Variants in CHRNA7 observed in about 807,000 individuals in gnomAD.
CHRNA7 encodes neuronal acetylcholine receptor subunit alpha-7.
A neutral mutation model predicts 48.0 loss-of-function variants in CHRNA7; 17 were observed. That is an observed-to-expected ratio of 0.35 (90% CI 0.24 to 0.53). The LOEUF is 0.53. Among genes scored for constraint, CHRNA7 ranks in the 20% least tolerant of loss-of-function variants. CHRNA7 has a pLI of 0.92. For missense variants in CHRNA7, 155 were observed against 577.7 expected (o/e 0.27, Z 7.50); for synonymous variants, 75 against 242.3 (o/e 0.31, Z 6.41).
chr15:32,120,069 A>G (rs927363275), intron 4 of CHRNA7, among the ~76,000 whole-genome samples: 1 of 152,162 alleles, frequency 6.6e-6, no homozygotes, highest in African/African-American at 2.4e-5. Flanking sequence ...GATGATAGCC[A>G]GGAAATTGTG....
chr15:32,149,174 G>A lies in CHRNA7; in HGVS notation c.351-4733G>A, dbSNP rs1465308356. On this transcript the variant is annotated intron_variant, in intron 4 of 9. Coordinates refer to ENST00000306901, the MANE Select transcript of CHRNA7 (RefSeq NM_000746.6). This position sits in a 1 kb window ranked among gnomAD's most constrained non-coding sequence, Gnocchi z 4.6. ...TGTGGATGTACTGTGTCTTCCAGTA[G>A]TCAAAATAAAGAATATATTTGGCCA... Among the ~76,000 whole-genome samples, 1 of 152,238 alleles carries A rather than the reference G, an allele frequency of 6.6e-6. No homozygotes were observed. The highest frequency in any genetic ancestry group is 2.4e-5 in the African/African-American group (1 of 41,474).
chr15:32,075,473 A>T (rs2050123129), intron 2 of CHRNA7, among the ~76,000 whole-genome samples: 1 of 152,118 alleles, frequency 6.6e-6, no homozygotes, highest in African/African-American at 2.4e-5. Flanking sequence ...TAAATCGTCC[A>T]ATTTATGAGT....
At chr15:32,121,648 C>T (rs1402036212) in intron 4 of CHRNA7, among the ~76,000 whole-genome samples, 1 of 152,192 alleles carries the variant, frequency 6.6e-6, no homozygotes, top group Admixed American at 6.5e-5. Context: ...CTGTTCACGG[C>T]AGGGTGGCCA....
chr15:32,132,861 A>T (rs2141320401), intron 4 of CHRNA7, among the ~76,000 whole-genome samples: 1 of 152,312 alleles, frequency 6.6e-6, no homozygotes, highest in African/African-American at 2.4e-5. Context: ...CATTTTTCTG[A>T]AAGCATATGC....
chr15:32,039,229 T>C (rs1595373132), intron 2 of CHRNA7, among the ~76,000 whole-genome samples: 2 of 152,292 alleles, frequency 1.3e-5, no homozygotes, highest in Admixed American at 1.3e-4. Context: ...TTTGTTCATT[T>C]CCTCTATTGA....
chr15:32,040,594 GTA>G (rs1207991843), intron 2 of CHRNA7, among the ~76,000 whole-genome samples: 4 of 94,180 alleles, frequency 4.2e-5, no homozygotes, highest in South Asian at 4.2e-4. Flanking sequence ...GTGTGTGTGT[GTA>G]TATGTGTGTA....
intron 3 of CHRNA7, chr15:32,101,564 A>G (rs768223278): frequency 2.3e-4 from 129 of 549,668 alleles, no homozygotes; most frequent in Non-Finnish European, 3.7e-4. Context: ...CATGCACAAG[A>G]TCAACACATA....
chr15:32,046,238 C>T (rs1032110447), intron 2 of CHRNA7, among the ~76,000 whole-genome samples: 3 of 150,620 alleles, frequency 2.0e-5, no homozygotes, highest in South Asian at 2.1e-4. Flanking sequence ...CCTGAGGAAT[C>T]GCCACACTGA....
Position 32,037,773 on chromosome 15 carries a change from G to A in CHRNA7, c.195+6736G>A, listed in dbSNP as rs575558445. Among the ~76,000 whole-genome samples the A allele has an allele frequency of 1.1e-4, 16 of 151,718 alleles. No homozygotes were observed. In the South Asian group the frequency reaches 2.9e-3, roughly 28 times the overall value. ...TAACCTTGTCTTCTGCAAAGTTGCT[G>A]TAATTGTTTATTAGCTCCTGGAGAT... On this transcript the variant is annotated intron_variant, in intron 2 of 9. Coordinates refer to ENST00000306901, the MANE Select transcript of CHRNA7 (RefSeq NM_000746.6).
chr15:32,036,058 C>T (rs1902068562), intron 2 of CHRNA7, among the ~76,000 whole-genome samples: 1 of 152,162 alleles, frequency 6.6e-6, no homozygotes, highest in Non-Finnish European at 1.5e-5. Context: ...TTTTTACTCT[C>T]CTGAAATTTC....
intron 2 of CHRNA7, among the ~76,000 whole-genome samples, chr15:32,097,752 G>A (rs970888862): frequency 1.3e-5 from 2 of 152,230 alleles, no homozygotes; most frequent in East Asian, 3.8e-4. Flanking sequence ...TCTGGGCCAG[G>A]GTTGGATGTT....
chr15:32,067,569 G>A (rs1044607328), intron 2 of CHRNA7, among the ~76,000 whole-genome samples: 1 of 150,268 alleles, frequency 6.7e-6, no homozygotes, highest in Non-Finnish European at 1.5e-5. Flanking sequence ...TCTATAAAGA[G>A]ATAAAGAATA....
intron 2 of CHRNA7, among the ~76,000 whole-genome samples, chr15:32,067,594 C>T (rs1246100725): frequency 2.6e-5 from 4 of 152,124 alleles, no homozygotes; most frequent in African/African-American, 9.7e-5. Flanking sequence ...TAAGTAACTA[C>T]CTAGGTAAAC....
chr15:32,148,421 C>T (rs562848628), intron 4 of CHRNA7, among the ~76,000 whole-genome samples: 10 of 152,128 alleles, frequency 6.6e-5, no homozygotes, highest in South Asian at 2.1e-4. Context: ...TGAGGCCTCC[C>T]GTGCTCAGCC....
At chr15:32,092,306 C>G (rs1712127630) in intron 2 of CHRNA7, among the ~76,000 whole-genome samples, 1 of 152,120 alleles carries the variant, frequency 6.6e-6, no homozygotes, top group South Asian at 2.1e-4. Context: ...ATTTTATTAG[C>G]TCATCTTTGA....
rs551823254 is a variant in CHRNA7 at position 32,031,028 on chromosome 15, C to T, written c.186C>T (p.Ile62=). The change falls in exon 2 of 10, where the codon ATC becomes ATT. Residue 62 remains isoleucine (I), a synonymous_variant. Transcript: ENST00000306901. ...TVYFSLSLLQ[I]MDVDEKNQVL... is the part of the protein sequence containing the mutation. ...ACTTCTCCCTGAGCCTCCTGCAGATCATGGACGTGGTGAGTCCCGCCTGGC... is the reference window on the plus strand; with the variant it reads ...ACTTCTCCCTGAGCCTCCTGCAGATTATGGACGTGGTGAGTCCCGCCTGGC... 5 of 1,614,218 alleles carry T rather than the reference C, an allele frequency of 3.1e-6. 1 individual carries two copies. The African/African-American group carries it at 4.0e-5, about 13-fold the overall frequency.
At chr15:32,034,772 A>G (rs188527222) in intron 2 of CHRNA7, among the ~76,000 whole-genome samples, 1 of 152,362 alleles carries the variant, frequency 6.6e-6, no homozygotes, top group African/African-American at 2.4e-5. Context: ...GAGGTACAAC[A>G]TGAGTCCTCA....
At chr15:32,122,072 C>T (rs2050980320) in intron 4 of CHRNA7, among the ~76,000 whole-genome samples, 1 of 152,152 alleles carries the variant, frequency 6.6e-6, no homozygotes, top group African/African-American at 2.4e-5. Flanking sequence ...CTTGTTTTTC[C>T]CCACTGTCCA....
intron 4 of CHRNA7, among the ~76,000 whole-genome samples, chr15:32,142,106 T>C (rs2051391665): frequency 6.6e-6 from 1 of 152,156 alleles, no homozygotes; most frequent in Non-Finnish European, 1.5e-5. Context: ...CAATACCTAG[T>C]TTATTGAGAG....
Sources: allele counts gnomAD v4.1 joint callset (sites outside exome capture counted in the v4.1 genomes callset), GRCh38; gene constraint gnomAD v4.1.1; non-coding constraint Gnocchi (gnomAD v3.1); transcripts MANE v1.5; gene names NCBI Gene and HGNC (gene_info 2026-07-23, HGNC 2026-07-21).